PKNOX2: variants seen among roughly 807,000 people sequenced by gnomAD.
PKNOX2 encodes the protein PBX/knotted 1 homeobox 2.
A neutral mutation model predicts 53.1 loss-of-function variants in PKNOX2; 14 were observed. The ratio of observed to expected loss-of-function variants is 0.26; its 90% CI spans 0.17 to 0.41. The LOEUF is 0.41. Among genes scored for constraint, PKNOX2 ranks in the 10% least tolerant of loss-of-function variants. The pLI is 1.00. For synonymous variants in PKNOX2, 257 were observed against 242.8 expected, an observed-to-expected ratio of 1.06 and a Z score of -0.54; for missense variants, 496 against 602.8, an observed-to-expected ratio of 0.82 and a Z score of 1.85.
At chr11:125,321,378 A>G (rs1949507989) in intron 2 of PKNOX2, among the ~76,000 whole-genome samples, 1 of 152,246 alleles carries the variant, frequency 6.6e-6, no homozygotes, top group South Asian at 2.1e-4. Flanking sequence ...AAAATGGTGT[A>G]GTATTTGCAT....
chr11:125,270,097 T>G (rs559807116), intron 2 of PKNOX2, among the ~76,000 whole-genome samples: 4 of 152,182 alleles, frequency 2.6e-5, no homozygotes, highest in African/African-American at 9.7e-5. Context: ...AAGGAATCCA[T>G]CTATCAGAGC....
intron 1 of PKNOX2, among the ~76,000 whole-genome samples, chr11:125,206,016 G>C (rs999908482): frequency 1.6e-4 from 24 of 152,142 alleles, no homozygotes; most frequent in African/African-American, 5.3e-4. Flanking sequence ...GCTGTGCACC[G>C]GGGTGATCTG....
chr11:125,284,938 A>G (rs1481023328), intron 2 of PKNOX2, among the ~76,000 whole-genome samples: 1 of 152,032 alleles, frequency 6.6e-6, no homozygotes, highest in East Asian at 1.9e-4. Flanking sequence ...TTGGATACCT[A>G]ATAAGCTTCT....
intron 2 of PKNOX2, among the ~76,000 whole-genome samples, chr11:125,265,054 G>T (rs918374433): frequency 1.3e-5 from 2 of 152,108 alleles, no homozygotes; most frequent in Non-Finnish European, 2.9e-5. Context: ...TCTGGGAGGC[G>T]AAGGCGGGCA....
At chr11:125,197,600 C>T (rs1451783233) in intron 1 of PKNOX2, among the ~76,000 whole-genome samples, 1 of 152,144 alleles carries the variant, frequency 6.6e-6, no homozygotes, top group African/African-American at 2.4e-5. Context: ...ATTCTGGGGA[C>T]CCCGTAACAA....
Position 125,385,565 on chromosome 11 carries a change from C to T in PKNOX2, c.242C>T (p.Pro81Leu), listed in dbSNP as rs745698010. The T allele has an allele frequency of 1.4e-5, 23 of 1,608,588 alleles. No individual in the cohort carries two copies. Among genetic ancestry groups the T allele is most frequent in the Middle Eastern group, 1.7e-4 (1 of 6,010 alleles). The change falls in exon 6 of 13, where the codon CCG (proline) becomes CTG (leucine). Residue 81 changes from proline to leucine, a missense_variant. Physicochemically the swap from Pro to Leu is moderately conservative, Grantham distance 98. Transcript: ENST00000298282. ...KRAVYRHPLFPLLTLLFEKCE... is the reference protein window; with the variant it reads ...KRAVYRHPLFLLLTLLFEKCE... Reference sequence around the variant, plus strand: ...TGTCCCTGCAGGCACCCTCTTTTCCCGCTCCTGACGCTGCTGTTTGAGAAA... The same window carrying T: ...TGTCCCTGCAGGCACCCTCTTTTCCTGCTCCTGACGCTGCTGTTTGAGAAA...
At chr11:125,236,509 C>G (rs1364447988) in intron 2 of PKNOX2, among the ~76,000 whole-genome samples, 1 of 152,180 alleles carries the variant, frequency 6.6e-6, no homozygotes, top group African/African-American at 2.4e-5. Context: ...GAGCATGAAC[C>G]TTAATGAGAG....
intron 2 of PKNOX2, among the ~76,000 whole-genome samples, chr11:125,282,738 A>T (rs1198402700): frequency 1.3e-5 from 2 of 152,208 alleles, no homozygotes; most frequent in Non-Finnish European, 2.9e-5. Flanking sequence ...GTCCAGTAAA[A>T]CGTTTTGCAA....
At chr11:125,263,801 G>C (rs11820043) in intron 2 of PKNOX2, among the ~76,000 whole-genome samples, 58,977 of 151,718 alleles carry the variant, frequency 0.39, 12,424 homozygotes, top group African/African-American at 0.55. Flanking sequence ...CCACAGACTG[G>C]CCAGCTTGGC....
At chr11:125,337,028 T>G (rs1034512849) in intron 3 of PKNOX2, among the ~76,000 whole-genome samples, 3 of 151,484 alleles carry the variant, frequency 2.0e-5, no homozygotes, top group African/African-American at 7.3e-5. Context: ...CATATTATAT[T>G]TTGCATAATA....
At chr11:125,386,652 C>T (rs1953652575) in intron 6 of PKNOX2, among the ~76,000 whole-genome samples, 1 of 150,782 alleles carries the variant, frequency 6.6e-6, no homozygotes, top group South Asian at 2.1e-4. Context: ...TAACTGGTAC[C>T]TACTTCCAAA....
chr11:125,289,812 C>T (rs914079768), intron 2 of PKNOX2, among the ~76,000 whole-genome samples: 1 of 152,168 alleles, frequency 6.6e-6, no homozygotes, highest in African/African-American at 2.4e-5. Context: ...TCACCACTGG[C>T]GTGTCACTCG....
Position 125,431,536 on chromosome 11 carries a change from C to CA in PKNOX2, c.*147dup, listed in dbSNP as rs1357578305. On this transcript the variant is annotated 3_prime_UTR_variant, in exon 13 of 13. Transcript: ENST00000298282. ...CCCAAATCAGTAGCTTGAAGAAAGG[C>CA]AAAGGAGACACCTGTTCCTTCCCAA... 1 of 948,040 alleles carries CA rather than the reference C, an allele frequency of 1.1e-6. No individual in the cohort carries two copies. Among genetic ancestry groups the CA allele is most frequent in the Non-Finnish European group, 1.5e-6 (1 of 648,554 alleles). 58.7% of individuals were successfully genotyped at this position (948,040 alleles called of 1,614,324 possible). A position where few individuals can be genotyped will look rare whatever the true frequency, so the allele number is the denominator to read the frequency against.
At position 125,411,498 on chromosome 11, in the gene PKNOX2, CT is replaced by C. The variant is rs1565519883; in HGVS notation, c.817-247del. On this transcript the variant is annotated intron_variant, in intron 9 of 12. Transcript: ENST00000298282. ...TCTCTCTCTCTCTCTCTCTCTCTCT[CT>C]CTCTCTCTCTCCCCCCCTTCCCCAT... 5.1e-4 allele frequency: 239 copies of C among 464,300 alleles called. 1 individual carries two copies. The highest frequency in any genetic ancestry group is 4.5e-3 in the South Asian group (226 of 49,780). The allele number at this position is 464,300 out of a possible 1,614,324, so 28.8% of individuals were successfully genotyped here. A position where few individuals can be genotyped will look rare whatever the true frequency, so the allele number is the denominator to read the frequency against.
chr11:125,215,864 G>A (rs976690789), intron 1 of PKNOX2, among the ~76,000 whole-genome samples: 5 of 152,186 alleles, frequency 3.3e-5, no homozygotes, highest in African/African-American at 1.2e-4. Flanking sequence ...CAGGAGGACT[G>A]GATGATTATA....
chr11:125,386,112 T>G (rs539027119), intron 6 of PKNOX2, among the ~76,000 whole-genome samples: 62 of 152,296 alleles, frequency 4.1e-4, no homozygotes, highest in Admixed American at 5.9e-4. Flanking sequence ...TAATAGTTGA[T>G]GTGCCACTGT....
intron 7 of PKNOX2, among the ~76,000 whole-genome samples, chr11:125,404,181 G>T (rs1281283620): frequency 6.6e-6 from 1 of 152,178 alleles, no homozygotes; most frequent in East Asian, 1.9e-4. Context: ...CTAGACTGAA[G>T]TGGAATAAAA....
At chr11:125,336,918 T>C (rs1361961418) in intron 3 of PKNOX2, among the ~76,000 whole-genome samples, 1 of 148,416 alleles carries the variant, frequency 6.7e-6, no homozygotes, top group Non-Finnish European at 1.5e-5. Context: ...ATAATACATA[T>C]GTATGCTGTG....
intron 2 of PKNOX2, chr11:125,287,990 C>A (rs1179163483): frequency 6.6e-6 from 1 of 152,264 alleles, no homozygotes; most frequent in African/African-American, 2.4e-5. Flanking sequence ...CTCCAAGTAC[C>A]TGCCAGGGAT....
Sources: allele counts gnomAD v4.1 joint callset (sites outside exome capture counted in the v4.1 genomes callset), GRCh38; gene constraint gnomAD v4.1.1; transcripts MANE v1.5; gene names NCBI Gene and HGNC (gene_info 2026-07-23, HGNC 2026-07-21).